The following SNRPC variants were observed in gnomAD, a reference collection of about 807,000 sequenced individuals.
SNRPC encodes U1 small nuclear ribonucleoprotein C.
Under a neutral mutation model 20.0 loss-of-function variants are expected in SNRPC, and 5 were observed. The ratio of observed to expected loss-of-function variants is 0.25; its 90% CI spans 0.13 to 0.53. SNRPC has a LOEUF of 0.53. Among genes scored for constraint, SNRPC ranks in the 20% least tolerant of loss-of-function variants. The pLI is 0.96. For synonymous variants in SNRPC, 61 were observed against 58.7 expected, an observed-to-expected ratio of 1.04 and a Z score of -0.18; for missense variants, 112 against 224.1, an observed-to-expected ratio of 0.50 and a Z score of 3.19.
intron 2 of SNRPC, among the ~76,000 whole-genome samples, chr6:34,762,228 C>T (rs1187763738): frequency 2.0e-5 from 3 of 151,604 alleles, no homozygotes; most frequent in South Asian, 2.1e-4. Flanking sequence ...TGCTTGAGCC[C>T]GGATGGTTGA....
At chr6:34,759,265 C>CA (rs1289557921) in intron 2 of SNRPC, among the ~76,000 whole-genome samples, 1 of 152,152 alleles carries the variant, frequency 6.6e-6, no homozygotes, top group Non-Finnish European at 1.5e-5. Flanking sequence ...GTTTGTGTCT[C>CA]AGTCACTCTC....
chr6:34,767,100 A>C (rs566939071), intron 3 of SNRPC, among the ~76,000 whole-genome samples: 11 of 152,326 alleles, frequency 7.2e-5, no homozygotes, highest in African/African-American at 2.6e-4. Context: ...TATAGTTTGA[A>C]ATCTTTGTAT....
chr6:34,764,415 G>GCA, intron 3 of SNRPC, among the ~76,000 whole-genome samples: 1 of 152,062 alleles, frequency 6.6e-6, no homozygotes, highest in African/African-American at 2.4e-5. Flanking sequence ...GGCGGAGGTT[G>GCA]GGTTGAGCCG....
Position 34,759,037 on chromosome 6 carries a change from A to AG in SNRPC, c.51+1083_51+1084insG, listed in dbSNP as rs1764497363. On this transcript the variant is annotated intron_variant, in intron 2 of 5. Coordinates refer to ENST00000244520, the MANE Select transcript of SNRPC (RefSeq NM_003093.3). ...TCCGTCTCAAAAAAAAAAAAAAAAA[A>AG]AAAAAAAAGAAAAGAAAACCCACGT... Among the ~76,000 whole-genome samples, 4 of 148,222 alleles carry AG rather than the reference A, an allele frequency of 2.7e-5. 1 individual carries two copies. Among genetic ancestry groups the AG allele is most frequent in the Non-Finnish European group, 3.0e-5 (2 of 66,526 alleles).
chr6:34,767,847 G>A, intron 3 of SNRPC, 61 bp from the exon 4 acceptor site: 32 of 1,478,490 alleles, frequency 2.2e-5, no homozygotes, highest in Non-Finnish European at 2.9e-5. Context: ...GGTTATTTTA[G>A]TTACTGGATT....
rs76505053 is a variant in SNRPC at position 34,768,362 on chromosome 6, A to C, written c.250+365A>C. Reference sequence around the variant, plus strand: ...TAGGTACATTAAATTATTTACTGCTATGAGCCCAGCACTGGAGGATTAAAA... The same window carrying C: ...TAGGTACATTAAATTATTTACTGCTCTGAGCCCAGCACTGGAGGATTAAAA... On this transcript the variant is annotated intron_variant, in intron 4 of 5. Coordinates refer to ENST00000244520, the MANE Select transcript of SNRPC (RefSeq NM_003093.3). Among the ~76,000 whole-genome samples the C allele has an allele frequency of 8.4e-3, 1,282 of 152,282 alleles. 19 individuals carry two copies. Among genetic ancestry groups the C allele is most frequent in the African/African-American group, 0.027 (1,117 of 41,554 alleles).
chr6:34,772,966 C>T (rs1409167973), intron 5 of SNRPC: 2 of 153,412 alleles, frequency 1.3e-5, no homozygotes, highest in African/African-American at 2.4e-5. Context: ...CAGCATGGGC[C>T]TCCTGCTCAC....
chr6:34,772,024 G>A lies in SNRPC; in HGVS notation c.356-1422G>A, dbSNP rs1369771996. ...TGGTGTTGCCTTTTCTCCTGAGTTTGCTTTTTGTTTTCTGTTTTTTCAAAC... is the reference window on the plus strand; with the variant it reads ...TGGTGTTGCCTTTTCTCCTGAGTTTACTTTTTGTTTTCTGTTTTTTCAAAC... On this transcript the variant is annotated intron_variant, in intron 5 of 5. Coordinates refer to ENST00000244520, the MANE Select transcript of SNRPC (RefSeq NM_003093.3). Among the ~76,000 whole-genome samples, 16 of 152,248 alleles carry A rather than the reference G, an allele frequency of 1.1e-4. No homozygotes were observed. The East Asian group carries it at 2.9e-3, about 28-fold the overall frequency.
At chr6:34,770,232 G>A in intron 4 of SNRPC, 59 bp from the exon 5 acceptor site, 7 of 1,238,046 alleles carry the variant, frequency 5.7e-6, no homozygotes, top group Non-Finnish European at 8.3e-6. Flanking sequence ...CAAAAAAAAA[G>A]AAGAGAAAAT....
chr6:34,762,748 C>G (rs769396115), intron 3 of SNRPC, 45 bp downstream of exon 3: 1 of 971,228 alleles, frequency 1.0e-6, no homozygotes, highest in African/African-American at 1.6e-5. Flanking sequence ...TGGTCCTATT[C>G]TTTCTTATCC....
intron 2 of SNRPC, among the ~76,000 whole-genome samples, chr6:34,758,897 A>G (rs1764489473): frequency 1.3e-5 from 2 of 151,626 alleles, no homozygotes; most frequent in Admixed American, 6.6e-5. Flanking sequence ...GGGCGACTCT[A>G]TAGTCCCAGC....
chr6:34,771,056 C>T (rs1053127374), intron 5 of SNRPC, among the ~76,000 whole-genome samples: 4 of 152,118 alleles, frequency 2.6e-5, no homozygotes, highest in African/African-American at 7.2e-5. Flanking sequence ...AGGCCAGGCG[C>T]GGTGGCTCAT....
rs1554122597 is a variant in SNRPC, at chr6:34,771,349, A to AAAG, written c.355+954_355+955insAAG. ...GTCTCAAAAAAAAAAAAAAAAAAAA[A>AAAG]GTGTGTCTAATGATTGGAACACTGT... On this transcript the variant is annotated intron_variant, in intron 5 of 5. Coordinates refer to ENST00000244520, the MANE Select transcript of SNRPC (RefSeq NM_003093.3). Among the ~76,000 whole-genome samples, 47 of 140,916 alleles carry AAAG rather than the reference A, an allele frequency of 3.3e-4. 1 individual carries two copies. Among genetic ancestry groups the AAAG allele is most frequent in the African/African-American group, 6.5e-4 (24 of 36,654 alleles). The allele number at this position is 140,916 out of a possible 152,430, so 92.4% of individuals were successfully genotyped here.
chr6:34,760,009 C>A (rs1764512937), intron 2 of SNRPC, among the ~76,000 whole-genome samples: 1 of 151,628 alleles, frequency 6.6e-6, no homozygotes, highest in Non-Finnish European at 1.5e-5. Context: ...ATTTGAAATT[C>A]TTTCTAACAT....
chr6:34,773,677 T>TG lies in SNRPC; in HGVS notation c.*108dup. On this transcript the variant is annotated 3_prime_UTR_variant, in exon 6 of 6. Transcript: ENST00000244520. This position sits in a 1 kb window ranked among gnomAD's most constrained non-coding sequence, Gnocchi z 4.1. Reference sequence around the variant, plus strand: ...TTTTCTAAACAGCATAAGGAAGACTTGCTCCCCTGTCCTATGAAAGAGAAT... The same window carrying TG: ...TTTTCTAAACAGCATAAGGAAGACTTGGCTCCCCTGTCCTATGAAAGAGAAT... The TG allele has an allele frequency of 1.0e-6, 1 of 962,662 alleles. No individual in the cohort carries two copies. Among genetic ancestry groups the TG allele is most frequent in the South Asian group, 1.7e-5 (1 of 57,350 alleles). 59.6% of individuals were successfully genotyped at this position (962,662 alleles called of 1,614,324 possible).
At chr6:34,769,577 T>C (rs1438142151) in intron 4 of SNRPC, among the ~76,000 whole-genome samples, 1 of 152,216 alleles carries the variant, frequency 6.6e-6, no homozygotes, top group African/African-American at 2.4e-5. Context: ...TATAAGTCTT[T>C]GCATTTTCAA....
At chr6:34,762,105 A>G (rs1764545016) in intron 2 of SNRPC, among the ~76,000 whole-genome samples, 1 of 152,068 alleles carries the variant, frequency 6.6e-6, no homozygotes, top group African/African-American at 2.4e-5. Flanking sequence ...GGGGTTTGAG[A>G]CCAGAATGGG....
rs761502818 is a variant in SNRPC, at chr6:34,767,897, A to G, written c.161-11A>G. 3 of 1,396,720 alleles carry G rather than the reference A, an allele frequency of 2.1e-6. No individual in the cohort carries two copies. The highest frequency in any genetic ancestry group is 5.3e-5 in the East Asian group (2 of 38,024). 86.5% of individuals were successfully genotyped at this position (1,396,720 alleles called of 1,614,324 possible). Reference sequence around the variant, plus strand: ...CATCTTTTTTTTTTTTTTTTTCCTCACCCTCCAAAGCGGCTGCATTTCAAC... The same window carrying G: ...CATCTTTTTTTTTTTTTTTTTCCTCGCCCTCCAAAGCGGCTGCATTTCAAC... On this transcript the variant is annotated splice_polypyrimidine_tract_variant and intron_variant, in intron 3 of 5. Coordinates refer to ENST00000244520, the MANE Select transcript of SNRPC (RefSeq NM_003093.3).
chr6:34,757,746 A>G lies in SNRPC; in HGVS notation c.9-166A>G, dbSNP rs573131948. On this transcript the variant is annotated intron_variant, in intron 1 of 5. Coordinates refer to ENST00000244520, the MANE Select transcript of SNRPC (RefSeq NM_003093.3). Reference sequence around the variant, plus strand: ...AGATGGATCCCGCTTAAGGCAACAAAAAAAAGCCTGGTTTATGTGTCGACG... The same window carrying G: ...AGATGGATCCCGCTTAAGGCAACAAGAAAAAGCCTGGTTTATGTGTCGACG... The G allele has an allele frequency of 5.0e-4, 777 of 1,542,296 alleles. 9 individuals are homozygous for G. In the South Asian group the frequency reaches 8.6e-3, roughly 17 times the overall value.
Sources: allele counts gnomAD v4.1 joint callset (sites outside exome capture counted in the v4.1 genomes callset), GRCh38; gene constraint gnomAD v4.1.1; non-coding constraint Gnocchi (gnomAD v3.1); transcripts MANE v1.5; gene names NCBI Gene and HGNC (gene_info 2026-07-23, HGNC 2026-07-21).